FMNL3: variants seen among roughly 807,000 people sequenced by gnomAD.
FMNL3 encodes formin like 3, also known as formin-like protein 3.
FMNL3 carries 57 observed loss-of-function variants against 119.6 expected under a neutral mutation model. That is an observed-to-expected ratio of 0.48 (90% CI 0.39 to 0.59). FMNL3 has a LOEUF of 0.59. FMNL3 is among the 20% of genes least tolerant of loss of function. The pLI is 0.00. For missense variants in FMNL3, 1,053 were observed against 1,323.5 expected, an observed-to-expected ratio of 0.80 and a Z score of 3.17; for synonymous variants, 491 against 507.3, an observed-to-expected ratio of 0.97 and a Z score of 0.43.
At chr12:49,657,310 C>A in intron 6 of FMNL3, 120 bp from the exon 7 acceptor site, 1 of 696,908 alleles carries the variant, frequency 1.4e-6, no homozygotes, top group South Asian at 1.7e-5. Flanking sequence ...TAGGGAATAG[C>A]ACCTCGTACC....
chr12:49,642,205 G>T lies in FMNL3; in HGVS notation c.*3610C>A. 1 of 1,614,048 alleles carries T rather than the reference G, an allele frequency of 6.2e-7. No individual in the cohort carries two copies. The highest frequency in any genetic ancestry group is 1.1e-5 in the South Asian group (1 of 91,068). ...GGACCTGGCATCCACCCTCCTGGGTGACCCTGTTCCGTGTCCCTTCTTTCC... is the reference window on the plus strand; with the variant it reads ...GGACCTGGCATCCACCCTCCTGGGTTACCCTGTTCCGTGTCCCTTCTTTCC... On this transcript the variant is annotated 3_prime_UTR_variant, in exon 26 of 26. Transcript: ENST00000335154. The surrounding 1 kb of genome is among the most constrained non-coding windows in gnomAD (Gnocchi z 5.8).
In FMNL3 at chr12:49,637,839, G is replaced by A; in HGVS notation, c.*7976C>T. ...ACATCCTTAAGGTGAGGGAGGCTGGGGTTATGGATGGATACAGGATGGATG... is the reference window on the plus strand; with the variant it reads ...ACATCCTTAAGGTGAGGGAGGCTGGAGTTATGGATGGATACAGGATGGATG... On this transcript the variant is annotated 3_prime_UTR_variant, in exon 26 of 26. Coordinates refer to ENST00000335154, the MANE Select transcript of FMNL3 (RefSeq NM_175736.5). 2 of 1,574,028 alleles carry A rather than the reference G, an allele frequency of 1.3e-6. No individual in the cohort carries two copies. Among genetic ancestry groups the A allele is most frequent in the Non-Finnish European group, 1.7e-6 (2 of 1,144,682 alleles).
intron 1 of FMNL3, among the ~76,000 whole-genome samples, chr12:49,689,451 A>G (rs1944547761): frequency 1.3e-5 from 2 of 152,194 alleles, no homozygotes; most frequent in South Asian, 4.1e-4. Flanking sequence ...AGAAATGTTC[A>G]GGCTAGGCAC....
In FMNL3 at chr12:49,648,195, C is replaced by A; in HGVS notation, c.2674G>T (p.Glu892Ter). 1 of 1,612,592 alleles carries A rather than the reference C, an allele frequency of 6.2e-7. No individual in the cohort carries two copies. Among genetic ancestry groups the A allele is most frequent in the Non-Finnish European group, 8.5e-7 (1 of 1,179,212 alleles). ...DKLQRDAKTA[E>*]EAYNAVVRYF... ...CACCGCCTGCACCCCGTGCTTGCCT[C>A]AGCCGTCTTGGCGTCCCGCTGGAGC... The change falls in exon 22 of 26, where the codon GAG (glutamate) becomes TAG (stop). Residue 892 changes from glutamate (E) to a stop codon, truncating the protein, a stop_gained and splice_region_variant. Transcript: ENST00000335154. LOFTEE classifies it high-confidence loss of function.
chr12:49,673,374 AAC>A (rs748925019), intron 1 of FMNL3, among the ~76,000 whole-genome samples: 2 of 152,256 alleles, frequency 1.3e-5, no homozygotes, highest in African/African-American at 2.4e-5. Flanking sequence ...GAGGAGCTGT[AAC>A]ACAGTGTTCC....
chr12:49,693,766 G>T (rs953817792), intron 1 of FMNL3, among the ~76,000 whole-genome samples: 2 of 146,474 alleles, frequency 1.4e-5, no homozygotes, highest in Non-Finnish European at 3.0e-5. Context: ...CTCCTGCATC[G>T]GCCTCCTGAC....
intron 1 of FMNL3, among the ~76,000 whole-genome samples, chr12:49,673,568 T>C (rs184532351): frequency 6.6e-6 from 1 of 152,294 alleles, no homozygotes; most frequent in Non-Finnish European, 1.5e-5. Flanking sequence ...CTGTGGCCAG[T>C]TGGGCCCTGC....
At chr12:49,665,719 C>T (rs1943871312) in intron 4 of FMNL3, 113 bp downstream of exon 4, 1 of 1,147,958 alleles carries the variant, frequency 8.7e-7, no homozygotes, top group South Asian at 1.2e-5. Flanking sequence ...GGCAACTCTG[C>T]CCCATGGCAG....
chr12:49,637,911 A>G lies in FMNL3; in HGVS notation c.*7904T>C. ...GACTCCCTGATAAGTCCTGTTTTGC[A>G]GAAGCATTACAGCTTGGTTCAGCAG... On this transcript the variant is annotated 3_prime_UTR_variant, in exon 26 of 26. Coordinates refer to ENST00000335154, the MANE Select transcript of FMNL3 (RefSeq NM_175736.5). The G allele has an allele frequency of 9.0e-7, 1 of 1,117,160 alleles. No homozygotes were observed. Among genetic ancestry groups the G allele is most frequent in the Non-Finnish European group, 1.3e-6 (1 of 747,616 alleles). 69.2% of individuals were successfully genotyped at this position (1,117,160 alleles called of 1,614,324 possible).
chr12:49,685,062 C>T (rs745427874), intron 1 of FMNL3, among the ~76,000 whole-genome samples: 9 of 152,170 alleles, frequency 5.9e-5, no homozygotes, highest in Non-Finnish European at 1.3e-4. Flanking sequence ...TATGTGATCT[C>T]AAGTCTACGA....
Position 49,662,052 on chromosome 12 carries a change from G to A in FMNL3, c.369-3C>T, listed in dbSNP as rs1167040578. The A allele has an allele frequency of 6.2e-7, 1 of 1,614,064 alleles. No homozygotes were observed. The highest frequency in any genetic ancestry group is 8.5e-7 in the Non-Finnish European group (1 of 1,179,958). ...CATTCAGAAATTCCCGCACCCACCT[G>A]CAGATAAAGGAAACACAGTGGAAGG... On this transcript the variant is annotated splice_region_variant and splice_polypyrimidine_tract_variant and intron_variant, in intron 4 of 25. Transcript: ENST00000335154.
chr12:49,657,297 A>T, intron 6 of FMNL3, 107 bp from the exon 7 acceptor site: 1 of 806,182 alleles, frequency 1.2e-6, no homozygotes, highest in Admixed American at 2.1e-5. Flanking sequence ...CAGTGGCAAA[A>T]AATAGGGAAT....
At chr12:49,650,954 T>G in intron 16 of FMNL3, 76 bp from the exon 17 acceptor site, 5 of 1,551,432 alleles carry the variant, frequency 3.2e-6, no homozygotes, top group Non-Finnish European at 4.4e-6. Flanking sequence ...CCACCCAGCA[T>G]TGGCCCAGAG....
rs779081581 is a variant in FMNL3 at position 49,649,182 on chromosome 12, G to A, written c.2386-24C>T. ...AGCTAGGAGAGGGGGTGAGGGCGGT[G>A]CACAAGAGCTAAGCACTCTGGCTCC... On this transcript the variant is annotated intron_variant, in intron 20 of 25. Transcript: ENST00000335154. The surrounding 1 kb of genome is among the most constrained non-coding windows in gnomAD (Gnocchi z 5.6). 1 of 1,612,128 alleles carries A rather than the reference G, an allele frequency of 6.2e-7. No individual in the cohort carries two copies. The highest frequency in any genetic ancestry group is 1.1e-5 in the South Asian group (1 of 90,674).
chr12:49,659,985 C>A lies in FMNL3; in HGVS notation c.453-1391G>T, dbSNP rs1289278403. 5 of 984,094 alleles carry A rather than the reference C, an allele frequency of 5.1e-6. No individual in the cohort carries two copies. The Admixed American group carries it at 2.5e-4, about 48-fold the overall frequency. The allele number at this position is 984,094 out of a possible 1,614,324, so 61.0% of individuals were successfully genotyped here. A position where few individuals can be genotyped will look rare whatever the true frequency, so the allele number is the denominator to read the frequency against. On this transcript the variant is annotated intron_variant, in intron 5 of 25. Coordinates refer to ENST00000335154, the MANE Select transcript of FMNL3 (RefSeq NM_175736.5). ...TGGAATAGGAAGGGATATTTACAGACGTCAGAATGTTCCAAAGGAAGTGGG... is the reference window on the plus strand; with the variant it reads ...TGGAATAGGAAGGGATATTTACAGAAGTCAGAATGTTCCAAAGGAAGTGGG...
chr12:49,648,386 A>G, intron 21 of FMNL3, 33 bp from the exon 22 acceptor site: 2 of 1,590,100 alleles, frequency 1.3e-6, no homozygotes, highest in Middle Eastern at 1.7e-4. Flanking sequence ...AGGAATGCCT[A>G]GGGCCTGGCA....
intron 1 of FMNL3, among the ~76,000 whole-genome samples, chr12:49,672,052 G>A (rs975461481): frequency 1.3e-5 from 2 of 152,204 alleles, no homozygotes; most frequent in Non-Finnish European, 2.9e-5. Flanking sequence ...CTGGAACACT[G>A]TGGGTGTTCA....
At chr12:49,658,059 G>C (rs1211049057) in intron 6 of FMNL3, among the ~76,000 whole-genome samples, 1 of 152,168 alleles carries the variant, frequency 6.6e-6, no homozygotes, top group Non-Finnish European at 1.5e-5. Flanking sequence ...TGAAGAACTA[G>C]AGGGAAACAG....
intron 22 of FMNL3, 39 bp downstream of exon 22, chr12:49,648,154 T>A: frequency 6.3e-7 from 1 of 1,584,556 alleles, no homozygotes; most frequent in Non-Finnish European, 8.6e-7. Context: ...CCTGGTGCCT[T>A]GGCCCTGGTT....
Sources: gnomAD v4.1 joint callset for allele counts (sites outside exome capture counted in the v4.1 genomes callset) on GRCh38, gnomAD v4.1.1 for gene constraint, Gnocchi (gnomAD v3.1) non-coding constraint, MANE v1.5 for transcripts, NCBI Gene and HGNC (gene_info 2026-07-23, HGNC 2026-07-21) for gene names.